Variants in MAPT observed in about 807,000 individuals in gnomAD.
MAPT encodes the protein microtubule-associated protein tau.
In MAPT, 34 loss-of-function variants were observed where a neutral mutation model predicts 67.9. That is an observed-to-expected ratio of 0.50 (90% CI 0.38 to 0.67). The LOEUF is 0.67. MAPT is among the 30% of genes least tolerant of loss of function. The pLI is 0.00. For synonymous variants in MAPT, 456 were observed against 464.5 expected, an observed-to-expected ratio of 0.98 and a Z score of 0.23; for missense variants, 881 against 1,115.2, an observed-to-expected ratio of 0.79 and a Z score of 2.99.
At chr17:45,914,545 G>T (rs1279762967) in intron 1 of MAPT, among the ~76,000 whole-genome samples, 1 of 152,184 alleles carries the variant, frequency 6.6e-6, no homozygotes, top group Non-Finnish European at 1.5e-5. Context: ...TCCTCTGCGT[G>T]CAAGGAAGGC....
intron 6 of MAPT, among the ~76,000 whole-genome samples, chr17:45,988,151 C>G (rs2073750714): frequency 6.6e-6 from 1 of 152,184 alleles, no homozygotes; most frequent in South Asian, 2.1e-4. Flanking sequence ...TCATCAGCCC[C>G]AGGGCCCCAG....
At chr17:45,902,226 A>G (rs1018254797) in intron 1 of MAPT, among the ~76,000 whole-genome samples, 3 of 152,042 alleles carry the variant, frequency 2.0e-5, no homozygotes, top group Admixed American at 6.6e-5. Flanking sequence ...TACACACCAT[A>G]ATGCTCGGCT....
intron 3 of MAPT, chr17:45,974,630 G>A (rs896573161): frequency 1.9e-5 from 12 of 636,298 alleles, no homozygotes; most frequent in South Asian, 5.6e-5. Flanking sequence ...TGAGTAGCTC[G>A]ATGCCTTGGT....
intron 12 of MAPT, among the ~76,000 whole-genome samples, chr17:46,022,867 C>T (rs894509575): frequency 6.6e-6 from 1 of 152,102 alleles, no homozygotes; most frequent in African/African-American, 2.4e-5. Context: ...GAATTTGAGG[C>T]CAGCCTGGGC....
At chr17:46,006,407 A>C (rs2075416868) in intron 9 of MAPT, among the ~76,000 whole-genome samples, 1 of 152,266 alleles carries the variant, frequency 6.6e-6, no homozygotes, top group African/African-American at 2.4e-5. Flanking sequence ...GATAGAGAGT[A>C]GAAGGATGGT....
At chr17:46,016,208 A>C (rs1250843199) in intron 11 of MAPT, among the ~76,000 whole-genome samples, 1 of 152,166 alleles carries the variant, frequency 6.6e-6, no homozygotes, top group Non-Finnish European at 1.5e-5. Context: ...CCTGGCCGAC[A>C]TGGCGAAACC....
At chr17:45,960,318 G>A (rs111456410) in intron 1 of MAPT, among the ~76,000 whole-genome samples, 269 of 152,364 alleles carry the variant, frequency 1.8e-3, no homozygotes, top group African/African-American at 6.2e-3. Context: ...CAGCAGAGCC[G>A]TTTTAGGATG....
At chr17:45,924,581 G>A (rs1473125041) in intron 1 of MAPT, among the ~76,000 whole-genome samples, 6 of 152,136 alleles carry the variant, frequency 3.9e-5, no homozygotes, top group East Asian at 1.9e-4. Flanking sequence ...CCCTGACCAC[G>A]CAGCCCCTGT....
chr17:45,982,937 G>A lies in MAPT; in HGVS notation c.358G>A (p.Val120Ile), dbSNP rs373471744. ...RPLANEISAH[V>I]QPGPCGEASG... ...CCTGGCCAATGAGATTAGCGCCCAC[G>A]TCCAGCCTGGACCCTGCGGAGAGGC... The change falls in exon 5 of 13, where the codon GTC (valine) becomes ATC (isoleucine). Residue 120 changes from valine to isoleucine, a missense_variant. By Grantham distance (29) the Val-to-Ile change is conservative. Coordinates refer to ENST00000262410, the MANE Select transcript of MAPT (RefSeq NM_001377265.1). 58 of 1,397,112 alleles carry A rather than the reference G, an allele frequency of 4.2e-5. No individual in the cohort carries two copies. The highest frequency in any genetic ancestry group is 3.3e-4 in the South Asian group (19 of 57,724). 86.5% of individuals were successfully genotyped at this position (1,397,112 alleles called of 1,614,324 possible).
chr17:45,994,340 C>T (rs184622342), intron 8 of MAPT, among the ~76,000 whole-genome samples: 1 of 152,314 alleles, frequency 6.6e-6, no homozygotes, highest in East Asian at 1.9e-4. Context: ...GGAGCCACCA[C>T]CACCAAGCCC....
At position 45,990,051 on chromosome 17, in the gene MAPT, T is replaced by C; in HGVS notation, c.1581T>C (p.Ser527=). 1 of 1,614,206 alleles carries C rather than the reference T, an allele frequency of 6.2e-7. No homozygotes were observed. Among genetic ancestry groups the C allele is most frequent in the Non-Finnish European group, 8.5e-7 (1 of 1,180,028 alleles). ...CTGTCACTTCCCGAACTGGCAGTTCTGGAGCAAAGGAGATGAAACTCAAGG... is the reference window on the plus strand; with the variant it reads ...CTGTCACTTCCCGAACTGGCAGTTCCGGAGCAAAGGAGATGAAACTCAAGG... ...VSSVTSRTGS[S]GAKEMKLKGA... Residue 527 remains serine, a synonymous_variant, in exon 7 of 13, where the codon TCT becomes TCC. Transcript: ENST00000262410.
intron 1 of MAPT, among the ~76,000 whole-genome samples, chr17:45,940,795 A>T (rs2067783200): frequency 6.6e-6 from 1 of 152,150 alleles, no homozygotes; most frequent in South Asian, 2.1e-4. Context: ...AAATAGAATG[A>T]GCCCCCTTAA....
At chr17:45,985,668 T>C (rs963154519) in intron 5 of MAPT, 35 of 985,306 alleles carry the variant, frequency 3.6e-5, no homozygotes, top group Middle Eastern at 1.0e-3. Context: ...TGGAGGAAGT[T>C]TGGGAAATGC....
intron 1 of MAPT, among the ~76,000 whole-genome samples, chr17:45,932,594 C>CAAA (rs982542546): frequency 1.6e-3 from 79 of 49,718 alleles, no homozygotes; most frequent in Middle Eastern, 0.01. Flanking sequence ...GACTCCATCT[C>CAAA]AAAAAAAAAA....
At chr17:45,943,513 C>G (rs1281786894) in intron 1 of MAPT, among the ~76,000 whole-genome samples, 4 of 152,190 alleles carry the variant, frequency 2.6e-5, no homozygotes, top group Non-Finnish European at 5.9e-5. Flanking sequence ...TGACCTCAGA[C>G]TCAAAAATTA....
At chr17:45,955,050 A>T (rs2069480059) in intron 1 of MAPT, among the ~76,000 whole-genome samples, 1 of 152,216 alleles carries the variant, frequency 6.6e-6, no homozygotes, top group South Asian at 2.1e-4. Flanking sequence ...TAGTAGAACA[A>T]ATTTTCTAGA....
intron 9 of MAPT, among the ~76,000 whole-genome samples, chr17:46,003,099 C>CGT (rs72293848): frequency 0.036 from 5,190 of 145,318 alleles, 110 homozygotes; most frequent in Middle Eastern, 0.088. Flanking sequence ...TTTTTAAGGG[C>CGT]GTGTGTGTGT....
intron 1 of MAPT, among the ~76,000 whole-genome samples, chr17:45,902,215 G>A (rs567019823): frequency 6.6e-6 from 1 of 152,214 alleles, no homozygotes; most frequent in East Asian, 1.9e-4. Context: ...GGGACTACAG[G>A]TACACACCAT....
At chr17:46,001,537 C>CCT (rs1382683277) in intron 9 of MAPT, among the ~76,000 whole-genome samples, 25 of 152,166 alleles carry the variant, frequency 1.6e-4, no homozygotes, top group African/African-American at 5.8e-4. Context: ...GTGGCGCATG[C>CCT]CTGTAATCCC....
Sources: gnomAD v4.1 joint callset for allele counts (sites outside exome capture counted in the v4.1 genomes callset) on GRCh38, gnomAD v4.1.1 for gene constraint, MANE v1.5 for transcripts, NCBI Gene and HGNC (gene_info 2026-07-23, HGNC 2026-07-21) for gene names.